Variants in PACRG observed in about 807,000 individuals in gnomAD.
The protein encoded by PACRG is parkin coregulated gene protein.
In PACRG, 29 loss-of-function variants were observed where a neutral mutation model predicts 29.7. The ratio of observed to expected loss-of-function variants is 0.98; its 90% CI spans 0.73 to 1.33. The LOEUF (loss-of-function observed/expected upper bound fraction) is 1.33. Among genes scored for constraint, PACRG ranks in the 40% most tolerant of loss-of-function variants. PACRG has a pLI of 0.00. For missense variants in PACRG, 279 were observed against 316.2 expected (o/e 0.88, Z 0.89); for synonymous variants, 116 against 118.7 (o/e 0.98, Z 0.15).
chr6:163,002,789 A>G (rs373330289), intron 2 of PACRG, among the ~76,000 whole-genome samples: 17 of 152,284 alleles, frequency 1.1e-4, no homozygotes, highest in East Asian at 3.9e-4. Flanking sequence ...TTCAAACTCT[A>G]TTTCTGAGAT....
chr6:163,260,553 C>T (rs1354574144), intron 4 of PACRG, among the ~76,000 whole-genome samples: 17 of 152,206 alleles, frequency 1.1e-4, no homozygotes, highest in Non-Finnish European at 2.1e-4. Context: ...TCGGGAGTTG[C>T]CAATCCGTGG....
At chr6:163,242,555 A>G (rs1782544428) in intron 4 of PACRG, among the ~76,000 whole-genome samples, 2 of 152,230 alleles carry the variant, frequency 1.3e-5, no homozygotes, top group Non-Finnish European at 2.9e-5. Context: ...GAGAGACAGC[A>G]TTTCTAGCAC....
intron 1 of PACRG, among the ~76,000 whole-genome samples, chr6:162,748,703 A>T (rs1584230456): frequency 6.6e-6 from 1 of 151,572 alleles, no homozygotes; most frequent in Admixed American, 6.6e-5. Context: ...ACCGCAGCCT[A>T]CTCCCCTCCC....
upstream of PACRG, chr6:162,727,710 A>G (rs112850281): frequency 6.1e-4 from 945 of 1,556,414 alleles, 4 homozygotes; most frequent in Middle Eastern, 8.2e-3. Context: ...GAACAGGCCC[A>G]TGCGCGCAGC....
At chr6:162,894,860 C>T (rs1370011799) in intron 2 of PACRG, among the ~76,000 whole-genome samples, 1 of 152,092 alleles carries the variant, frequency 6.6e-6, no homozygotes, top group Non-Finnish European at 1.5e-5. Context: ...AGAAATTTGT[C>T]ATGATTCTTG....
intron 1 of PACRG, among the ~76,000 whole-genome samples, chr6:162,804,838 T>C (rs910043710): frequency 1.3e-5 from 2 of 152,194 alleles, no homozygotes; most frequent in Non-Finnish European, 2.9e-5. Context: ...AATACAGTCA[T>C]GTATTCCTTA....
At chr6:163,129,757 T>G (rs1816659989) in intron 4 of PACRG, among the ~76,000 whole-genome samples, 1 of 152,194 alleles carries the variant, frequency 6.6e-6, no homozygotes, top group African/African-American at 2.4e-5. Context: ...ACACTCAGTT[T>G]CCTTCCTACC....
At chr6:163,259,891 G>A (rs1783257851) in intron 4 of PACRG, among the ~76,000 whole-genome samples, 2 of 152,196 alleles carry the variant, frequency 1.3e-5, no homozygotes, top group Non-Finnish European at 2.9e-5. Context: ...GCGGGCAGTG[G>A]AGCTGATGGA....
At position 163,062,131 on chromosome 6, in the gene PACRG, C is replaced by G. The variant is rs781234218; in HGVS notation, c.292-19C>G. 6.2e-7 allele frequency: 1 copy of G among 1,612,632 alleles called. No homozygotes were observed. The highest frequency in any genetic ancestry group is 8.5e-7 in the Non-Finnish European group (1 of 1,179,320). ...CGAATGCTGTTTTCACATGGCGTCT[C>G]TTCTTTCTTTACTTTCAGGTAGAAA... On this transcript the variant is annotated intron_variant, in intron 2 of 4. Coordinates refer to ENST00000366888, the MANE Select transcript of PACRG (RefSeq NM_001080379.2).
chr6:162,995,363 T>C (rs1803903776), intron 2 of PACRG, among the ~76,000 whole-genome samples: 1 of 151,690 alleles, frequency 6.6e-6, no homozygotes, highest in Non-Finnish European at 1.5e-5. Flanking sequence ...TGCAGTTTGA[T>C]CTCAGACTGC....
At chr6:163,141,202 TTTTACACACAG>T (rs1817138105) in intron 4 of PACRG, among the ~76,000 whole-genome samples, 1 of 151,918 alleles carries the variant, frequency 6.6e-6, no homozygotes, top group East Asian at 1.9e-4. Context: ...CTACCTAGAA[TTTTACACACAG>T]TTAAGATATC....
chr6:163,294,261 C>T (rs751469879), intron 4 of PACRG, among the ~76,000 whole-genome samples: 8 of 151,840 alleles, frequency 5.3e-5, no homozygotes, highest in Non-Finnish European at 8.8e-5. Context: ...TATGTTTATA[C>T]GAAATTGCAG....
In PACRG at chr6:162,760,491, C is replaced by T. The variant is rs191347194; in HGVS notation, c.156+32100C>T. 2.6e-5 allele frequency among the ~76,000 whole-genome samples: 4 copies of T among 152,158 alleles called. No homozygotes were observed. The South Asian group carries it at 6.2e-4, about 24-fold the overall frequency. On this transcript the variant is annotated intron_variant, in intron 1 of 4. Coordinates refer to ENST00000366888, the MANE Select transcript of PACRG (RefSeq NM_001080379.2). Reference sequence around the variant, plus strand: ...GGGGGACAGTGGCAGATGAGGAGCTCAGGGAAATAGGAAAGAACCAGGGTA... The same window carrying T: ...GGGGGACAGTGGCAGATGAGGAGCTTAGGGAAATAGGAAAGAACCAGGGTA...
intron 4 of PACRG, chr6:163,179,298 C>T (rs1450760915): frequency 2.2e-6 from 1 of 454,794 alleles, no homozygotes; most frequent in African/African-American, 2.0e-5. Context: ...TTCCTTCCCA[C>T]CACACCTGCA....
chr6:162,839,574 C>A (rs1001286115), intron 2 of PACRG, among the ~76,000 whole-genome samples: 5 of 152,022 alleles, frequency 3.3e-5, no homozygotes, highest in African/African-American at 7.2e-5. Context: ...GTTTCTTTTG[C>A]TGTGCAGAAG....
Position 163,092,695 on chromosome 6 carries a change from G to C in PACRG, c.613+3287G>C, listed in dbSNP as rs371945458. Among the ~76,000 whole-genome samples, 32 of 152,192 alleles carry C rather than the reference G, an allele frequency of 2.1e-4. 1 individual carries two copies. Among genetic ancestry groups the C allele is most frequent in the African/African-American group, 7.5e-4 (31 of 41,512 alleles). Reference sequence around the variant, plus strand: ...TGCATCGTAACAACTTTTCATTAGGGTGGGCATAATTAGAGACAAGGTGTT... The same window carrying C: ...TGCATCGTAACAACTTTTCATTAGGCTGGGCATAATTAGAGACAAGGTGTT... On this transcript the variant is annotated intron_variant, in intron 4 of 4. Coordinates refer to ENST00000366888, the MANE Select transcript of PACRG (RefSeq NM_001080379.2).
At chr6:163,029,018 G>A (rs1038354551) in intron 2 of PACRG, among the ~76,000 whole-genome samples, 1 of 152,174 alleles carries the variant, frequency 6.6e-6, no homozygotes, top group Non-Finnish European at 1.5e-5. Context: ...TTAGCCAGGT[G>A]GGCTCAACAG....
chr6:162,866,659 C>T (rs531421070), intron 2 of PACRG, among the ~76,000 whole-genome samples: 82 of 152,216 alleles, frequency 5.4e-4, no homozygotes, highest in Middle Eastern at 6.8e-3. Flanking sequence ...TCCAATTCCC[C>T]TGTTTCAACT....
At chr6:163,310,915 G>A (rs534428993) in intron 4 of PACRG, 1 of 152,312 alleles carries the variant, frequency 6.6e-6, no homozygotes, top group East Asian at 1.9e-4. Flanking sequence ...GCAGCCCGGA[G>A]GATGCTATCG....
Sources: gnomAD v4.1 joint callset for allele counts (sites outside exome capture counted in the v4.1 genomes callset) on GRCh38, gnomAD v4.1.1 for gene constraint, MANE v1.5 for transcripts, NCBI Gene and HGNC (gene_info 2026-07-23, HGNC 2026-07-21) for gene names.